RPAP3: variants seen among roughly 807,000 people sequenced by gnomAD.
The protein encoded by RPAP3 is RNA polymerase II-associated protein 3.
A neutral mutation model predicts 88.8 loss-of-function variants in RPAP3; 58 were observed. The observed-to-expected ratio is 0.65, with a 90% CI of 0.53 to 0.81. The LOEUF (loss-of-function observed/expected upper bound fraction) is 0.81, where lower values mean the gene tolerates loss of function less well. Ranked by LOEUF, RPAP3 falls within the 40% of genes least tolerant of loss-of-function variation. RPAP3 has a pLI of 0.00. For missense variants in RPAP3, 751 were observed against 764.3 expected (o/e 0.98, Z 0.20); for synonymous variants, 255 against 259.9 (o/e 0.98, Z 0.18).
intron 12 of RPAP3, among the ~76,000 whole-genome samples, chr12:47,678,614 A>C (rs956976861): frequency 6.6e-6 from 1 of 152,256 alleles, no homozygotes; most frequent in African/African-American, 2.4e-5. Flanking sequence ...TTCTCAAAAG[A>C]AGACATTTAT....
At chr12:47,675,333 C>T (rs1184338278) in intron 12 of RPAP3, among the ~76,000 whole-genome samples, 1 of 152,166 alleles carries the variant, frequency 6.6e-6, no homozygotes, top group Non-Finnish European at 1.5e-5. Context: ...GAAGAAACTG[C>T]ATCAATTAAC....
intron 5 of RPAP3, among the ~76,000 whole-genome samples, chr12:47,694,421 A>G (rs2136638197): frequency 6.6e-6 from 1 of 152,346 alleles, no homozygotes; most frequent in African/African-American, 2.4e-5. Context: ...AAGAAATTAG[A>G]GGAGACTATT....
intron 12 of RPAP3, among the ~76,000 whole-genome samples, chr12:47,670,560 T>C (rs1938976480): frequency 6.6e-6 from 1 of 152,072 alleles, no homozygotes; most frequent in Non-Finnish European, 1.5e-5. Flanking sequence ...GAGAGAGACA[T>C]GTATACGTAA....
chr12:47,671,877 A>C (rs1939005831), intron 12 of RPAP3, among the ~76,000 whole-genome samples: 1 of 152,166 alleles, frequency 6.6e-6, no homozygotes, highest in Non-Finnish European at 1.5e-5. Context: ...AGTAAACCAT[A>C]AAAGAAACCA....
At chr12:47,681,906 T>C in intron 9 of RPAP3, 89 bp from the exon 10 acceptor site, 1 of 1,281,730 alleles carries the variant, frequency 7.8e-7, no homozygotes. Context: ...AAAAAGCTTG[T>C]ATATAATTTC....
At chr12:47,696,162 A>G in intron 5 of RPAP3, 114 bp downstream of exon 5, 4 of 901,150 alleles carry the variant, frequency 4.4e-6, no homozygotes, top group Non-Finnish European at 6.2e-6. Flanking sequence ...AGTTGAAAAG[A>G]AAATGCAATA....
Position 47,696,260 on chromosome 12 carries a change from CACAG to C in RPAP3, c.545+12_545+15del. ...ATAAGACATTCACATTCACACACGT[CACAG>C]AAAGTCCTTACTTTTTCAGTCTAAA... On this transcript the variant is annotated intron_variant, in intron 5 of 16. Coordinates refer to ENST00000005386, the MANE Select transcript of RPAP3 (RefSeq NM_024604.3). 6.6e-7 allele frequency: 1 copy of C among 1,515,302 alleles called. No homozygotes were observed. The highest frequency in any genetic ancestry group is 1.4e-5 in the South Asian group (1 of 73,586). The allele number at this position is 1,515,302 out of a possible 1,614,324, so 93.9% of individuals were successfully genotyped here. A position where few individuals can be genotyped will look rare whatever the true frequency, so the allele number is the denominator to read the frequency against.
chr12:47,702,930 C>T (rs1397858571), intron 1 of RPAP3, 84 bp from the exon 2 acceptor site: 17 of 1,160,328 alleles, frequency 1.5e-5, no homozygotes, highest in Non-Finnish European at 1.7e-5. Context: ...TATCTTTTAC[C>T]ACTTCATAAG....
chr12:47,682,388 C>T (rs941682269), intron 9 of RPAP3, among the ~76,000 whole-genome samples: 1 of 152,082 alleles, frequency 6.6e-6, no homozygotes, highest in Non-Finnish European at 1.5e-5. Context: ...GCTCAACCCC[C>T]TCCACCAAAA....
In RPAP3 at chr12:47,666,965, T is replaced by G. The variant is rs879905117; in HGVS notation, c.1912+15A>C. The G allele has an allele frequency of 4.3e-6, 6 of 1,409,308 alleles. No homozygotes were observed. The highest frequency in any genetic ancestry group is 5.7e-6 in the Non-Finnish European group (6 of 1,043,584). The allele number at this position is 1,409,308 out of a possible 1,614,324, so 87.3% of individuals were successfully genotyped here. On this transcript the variant is annotated intron_variant, in intron 16 of 16. Transcript: ENST00000005386. ...TGTACAAAAATAAACATGGGAAAAC[T>G]TTCATAGAACTTACTCTTTTTCTCT...
intron 2 of RPAP3, among the ~76,000 whole-genome samples, chr12:47,701,947 C>T (rs1393455265): frequency 6.6e-6 from 1 of 152,134 alleles, no homozygotes; most frequent in Non-Finnish European, 1.5e-5. Flanking sequence ...ACTGAACTGC[C>T]TCCATATTAT....
Position 47,686,811 on chromosome 12 carries a change from T to C in RPAP3, c.961A>G (p.Asn321Asp), listed in dbSNP as rs764470160. Reference sequence around the variant, plus strand: ...ATCTTCAGATAGGCCATAGCTCTGTTAGCTGGAAGAAGGGCATTAGCACCA... The same window carrying C: ...ATCTTCAGATAGGCCATAGCTCTGTCAGCTGGAAGAAGGGCATTAGCACCA... ...ADGANALLPA[N>D]RAMAYLKIQK... The change falls in exon 9 of 17, where the codon AAC becomes GAC. Residue 321 changes from asparagine to aspartate, a missense_variant. Asn to Asp is a conservative substitution (Grantham distance 23). Coordinates refer to ENST00000005386, the MANE Select transcript of RPAP3 (RefSeq NM_024604.3). The C allele has an allele frequency of 1.2e-6, 2 of 1,604,548 alleles. No homozygotes were observed. Among genetic ancestry groups the C allele is most frequent in the Non-Finnish European group, 1.7e-6 (2 of 1,176,560 alleles).
chr12:47,696,287 A>G lies in RPAP3; in HGVS notation c.534T>C (p.Phe178=). 2 of 1,558,404 alleles carry G rather than the reference A, an allele frequency of 1.3e-6. No individual in the cohort carries two copies. The highest frequency in any genetic ancestry group is 1.7e-6 in the Non-Finnish European group (2 of 1,152,060). ...VLPTNRASAY[F]RLKKFAVAES... ...CAGAAAGTCCTTACTTTTTCAGTCT[A>G]AAATATGCTGACGCTCTGTTCGTTG... The change falls in exon 5 of 17, where the codon TTT becomes TTC. Residue 178 remains phenylalanine (F), a synonymous_variant. Transcript: ENST00000005386.
At position 47,702,268 on chromosome 12, in the gene RPAP3, G is replaced by A. The variant is rs950616737; in HGVS notation, c.153+420C>T. 9.2e-5 allele frequency among the ~76,000 whole-genome samples: 14 copies of A among 152,182 alleles called. No individual in the cohort carries two copies. The East Asian group carries it at 1.5e-3, about 17-fold the overall frequency. On this transcript the variant is annotated intron_variant, in intron 2 of 16. Transcript: ENST00000005386. Reference sequence around the variant, plus strand: ...TTTCTAAAAACACTGACAGTGGGCCGGGCACGGTGGCTCATGCCTGTAATC... The same window carrying A: ...TTTCTAAAAACACTGACAGTGGGCCAGGCACGGTGGCTCATGCCTGTAATC...
chr12:47,695,315 GA>G (rs781747361), intron 5 of RPAP3, among the ~76,000 whole-genome samples: 5 of 152,096 alleles, frequency 3.3e-5, no homozygotes, highest in Non-Finnish European at 7.4e-5. Flanking sequence ...GTGAGCCACA[GA>G]AAACTACACA....
At chr12:47,665,208 T>C (rs1343344863) in intron 16 of RPAP3, among the ~76,000 whole-genome samples, 1 of 151,828 alleles carries the variant, frequency 6.6e-6, no homozygotes, top group Non-Finnish European at 1.5e-5. Flanking sequence ...TTGATTCTCC[T>C]GCCTGAGCCT....
At chr12:47,686,042 C>T (rs1939314288) in intron 9 of RPAP3, among the ~76,000 whole-genome samples, 1 of 152,160 alleles carries the variant, frequency 6.6e-6, no homozygotes, top group Admixed American at 6.5e-5. Context: ...TCCTGAGAAG[C>T]GTTCAACATA....
chr12:47,694,233 C>T (rs1592484356), intron 5 of RPAP3, among the ~76,000 whole-genome samples: 1 of 152,104 alleles, frequency 6.6e-6, no homozygotes, highest in Non-Finnish European at 1.5e-5. Flanking sequence ...TAAGGACAGG[C>T]AACAGACCAG....
chr12:47,702,674 A>G lies in RPAP3; in HGVS notation c.153+14T>C, dbSNP rs573013693. ...TTAGTTTTGGTGGATCTTAATTACG[A>G]ATTCTTAATTTACCTCTTCAGGAAC... is the stretch of plus-strand genomic sequence containing the variant. On this transcript the variant is annotated intron_variant, in intron 2 of 16. Transcript: ENST00000005386. The G allele has an allele frequency of 5.7e-5, 87 of 1,528,472 alleles. 1 individual carries two copies. In the South Asian group the frequency reaches 8.7e-4, roughly 15 times the overall value. The allele number at this position is 1,528,472 out of a possible 1,614,324, so 94.7% of individuals were successfully genotyped here.
Sources: allele counts gnomAD v4.1 joint callset (sites outside exome capture counted in the v4.1 genomes callset), GRCh38; gene constraint gnomAD v4.1.1; transcripts MANE v1.5; gene names NCBI Gene and HGNC (gene_info 2026-07-23, HGNC 2026-07-21).